Variants in NBPF8 observed in about 807,000 individuals in gnomAD.
NBPF8 encodes NBPF member 8.
chr1:120,464,178 T>C (rs1473639953), intron 22 of NBPF8, among the ~76,000 whole-genome samples, 198 bp from the exon 21 acceptor site: 3 of 110,544 alleles, frequency 2.7e-5, no homozygotes, highest in African/African-American at 1.3e-4. Flanking sequence ...TGTGTGTGTG[T>C]CTGTCTGTCT....
Position 120,436,365 on chromosome 1 carries a change from G to C in NBPF8, n.13G>C, listed in dbSNP as rs1661076520. The C allele has an allele frequency of 3.2e-6, 5 of 1,548,146 alleles. No individual in the cohort carries two copies. The South Asian group carries it at 5.9e-5, about 18-fold the overall frequency. Reference sequence around the variant, plus strand: ...TGAAGGATCCTAAAGTGCTGTGGGAGTGATCACATTTTTCACAACAGTAAG... The same window carrying C: ...TGAAGGATCCTAAAGTGCTGTGGGACTGATCACATTTTTCACAACAGTAAG... On this transcript the variant is annotated non_coding_transcript_exon_variant, in exon 1 of 25. Transcript: ENST00000583271.
At chr1:120,425,187 G>A (rs1414369866) in intron 1 of NBPF8, among the ~76,000 whole-genome samples, 4 of 152,096 alleles carry the variant, frequency 2.6e-5, no homozygotes, top group Admixed American at 6.5e-5. Flanking sequence ...TCTGTGCTGA[G>A]GAGGATTAGT....
At chr1:120,468,658 G>A (rs1240923338), downstream of NBPF8, among the ~76,000 whole-genome samples, 7 of 145,616 alleles carry the variant, frequency 4.8e-5, no homozygotes, top group African/African-American at 1.8e-4. Context: ...CAGTAATTCT[G>A]CATTTCCAAG....
In NBPF8 at chr1:120,423,452, G is replaced by A. The variant is rs1365419459; in HGVS notation, n.270-2295G>A. Among the ~76,000 whole-genome samples, 47 of 106,494 alleles carry A rather than the reference G, an allele frequency of 4.4e-4. 16 individuals carry two copies. The highest frequency in any genetic ancestry group is 2.3e-3 in the African/African-American group (44 of 19,214). 69.9% of individuals were successfully genotyped at this position (106,494 alleles called of 152,430 possible). A position where few individuals can be genotyped will look rare whatever the true frequency, so the allele number is the denominator to read the frequency against. On this transcript the variant is annotated intron_variant and non_coding_transcript_variant, in intron 1 of 28. Transcript: ENST00000652355. ...GTATGTAGGCCTGCTTCTGGGCTCC[G>A]TATTCTTTTCTATGCATCTATATGT...
intron 1 of NBPF8, among the ~76,000 whole-genome samples, chr1:120,425,252 C>T (rs1660689390): frequency 6.6e-6 from 1 of 151,532 alleles, no homozygotes; most frequent in Non-Finnish European, 1.5e-5. Flanking sequence ...CATCTGTCTC[C>T]TCCTCGTCCC....
At chr1:120,434,289 TTATA>T (rs1184650903), upstream of NBPF8, among the ~76,000 whole-genome samples, 1 of 145,746 alleles carries the variant, frequency 6.9e-6, no homozygotes, top group Non-Finnish European at 1.5e-5. Flanking sequence ...TATACACGTA[TTATA>T]TATATATACA....
intron 11 of NBPF8, among the ~76,000 whole-genome samples, chr1:120,450,011 C>G (rs61810918): frequency 0.92 from 140,534 of 151,962 alleles, 65,147 homozygotes; most frequent in African/African-American, 0.98. Context: ...GGCAGATCAT[C>G]AGGTCAGGAG....
chr1:120,467,818 C>T (rs1553250915), downstream of NBPF8: 9 of 152,082 alleles, frequency 5.9e-5, no homozygotes, highest in Non-Finnish European at 8.8e-5. Flanking sequence ...GGTACTGATG[C>T]GAATTAATAA....
upstream of NBPF8, among the ~76,000 whole-genome samples, chr1:120,431,502 T>A (rs1553247063): frequency 1.3e-5 from 2 of 150,840 alleles, no homozygotes; most frequent in African/African-American, 2.4e-5. Context: ...GAAAAGAAGA[T>A]ACATGAATGG....
At chr1:120,419,645 A>G (rs1227041797), upstream of NBPF8, among the ~76,000 whole-genome samples, 1 of 149,294 alleles carries the variant, frequency 6.7e-6, no homozygotes, top group Non-Finnish European at 1.5e-5. Flanking sequence ...TTTTATTTTC[A>G]GAGATGGGGT....
At chr1:120,460,240 C>T (rs1323943689) in intron 17 of NBPF8, among the ~76,000 whole-genome samples, 15 of 152,230 alleles carry the variant, frequency 9.9e-5, no homozygotes, top group African/African-American at 3.4e-4. Context: ...TGAGAGAAAG[C>T]TTAATATTGA....
At chr1:120,452,036 T>A in intron 12 of NBPF8, 81 bp from the exon 11 acceptor site, 1 of 1,413,274 alleles carries the variant, frequency 7.1e-7, no homozygotes, top group Non-Finnish European at 1.0e-6. Context: ...GAGGACATTG[T>A]CTCAGAAGTC....
chr1:120,416,741 A>G (rs1465806222), upstream of NBPF8, among the ~76,000 whole-genome samples: 1 of 151,930 alleles, frequency 6.6e-6, no homozygotes, highest in African/African-American at 2.4e-5. Context: ...AGGTATATGA[A>G]TGATAAAACT....
exon 19 of NBPF8, chr1:120,461,308 G>A: frequency 1.3e-6 from 1 of 780,020 alleles, no homozygotes; most frequent in South Asian, 1.4e-5. Context: ...AGGACTCACT[G>A]GATAGATGTT....
chr1:120,453,417 A>C, exon 14 of NBPF8: 1 of 840,940 alleles, frequency 1.2e-6, no homozygotes, highest in Non-Finnish European at 1.9e-6. Context: ...GAGGTGGCTG[A>C]GAAAGTGCAG....
chr1:120,436,017 T>C (rs1202617072), upstream of NBPF8, among the ~76,000 whole-genome samples: 1 of 152,188 alleles, frequency 6.6e-6, no homozygotes, highest in South Asian at 2.1e-4. Flanking sequence ...CAGTGAGGAA[T>C]GTGCTTAGAT....
chr1:120,419,315 C>T (rs1283074863), upstream of NBPF8, among the ~76,000 whole-genome samples: 9 of 152,184 alleles, frequency 5.9e-5, no homozygotes, highest in South Asian at 2.1e-4. Flanking sequence ...GTAGAATATA[C>T]GTGTACAGAT....
chr1:120,464,539 G>C, exon 23 of NBPF8: 1 of 804,620 alleles, frequency 1.2e-6, no homozygotes, highest in Non-Finnish European at 2.2e-6. Flanking sequence ...CTTTTCTCTT[G>C]ACGTGGGAGG....
upstream of NBPF8, among the ~76,000 whole-genome samples, chr1:120,415,109 G>A (rs1443205462): frequency 2.0e-5 from 3 of 152,100 alleles, no homozygotes; most frequent in Non-Finnish European, 4.4e-5. Context: ...GTATTGGGAG[G>A]GGTAGGTGAG....
Sources: gnomAD v4.1 joint callset for allele counts (sites outside exome capture counted in the v4.1 genomes callset) on GRCh38, gnomAD v4.1.1 for gene constraint, MANE v1.5 for transcripts, NCBI Gene and HGNC (gene_info 2026-07-23, HGNC 2026-07-21) for gene names.